Variants in DUSP23 observed in about 807,000 individuals in gnomAD.
DUSP23 encodes the protein dual specificity protein phosphatase 23.
Under a neutral mutation model 13.3 loss-of-function variants are expected in DUSP23, and 10 were observed. That is an observed-to-expected ratio of 0.75 (90% CI 0.46 to 1.27). DUSP23 has a LOEUF of 1.27. Among genes scored for constraint, DUSP23 ranks in the 50% most tolerant of loss-of-function variants. The probability of loss-of-function intolerance (pLI) is 0.00; values close to 1 mark genes in which losing one functional copy is unlikely to be tolerated. For synonymous variants in DUSP23, 107 were observed against 95.3 expected, an observed-to-expected ratio of 1.12 and a Z score of -0.72; for missense variants, 228 against 204.8, an observed-to-expected ratio of 1.11 and a Z score of -0.69.
chr1:159,781,072 G>A lies in DUSP23; in HGVS notation c.-29G>A, dbSNP rs1239696400. ...GGGGCTGGCCAGCCTCGGCCCCCAT[G>A]ACCCGCTGTCCTGTGCCCTTTCCCA... On this transcript the variant is annotated 5_prime_UTR_variant, in exon 1 of 2. The change abolishes an upstream ATG in the 5' untranslated region. Transcript: ENST00000368107. The A allele has an allele frequency of 6.6e-7, 1 of 1,524,350 alleles. No homozygotes were observed. The highest frequency in any genetic ancestry group is 2.5e-5 in the East Asian group (1 of 39,900). 94.4% of individuals were successfully genotyped at this position (1,524,350 alleles called of 1,614,324 possible).
chr1:159,782,432 C>A lies in DUSP23; in HGVS notation c.*94C>A. 1 of 1,406,942 alleles carries A rather than the reference C, an allele frequency of 7.1e-7. No homozygotes were observed. The highest frequency in any genetic ancestry group is 2.4e-5 in the East Asian group (1 of 41,650). The allele number at this position is 1,406,942 out of a possible 1,614,324, so 87.2% of individuals were successfully genotyped here. On this transcript the variant is annotated 3_prime_UTR_variant, in exon 2 of 2. Transcript: ENST00000368107. ...AGGGAAGTGGACTAAAGTATTAAAC[C>A]CTCTAGCTCCCATTGGCTGAAGACA...
Position 159,782,483 on chromosome 1 carries a change from G to T in DUSP23, c.*145G>T, listed in dbSNP as rs934046874. ...CTGAAGTAGCCCACCCCTGCAGGCA[G>T]GTCCTGATTGAAGGGGAGGCTTGTA... On this transcript the variant is annotated 3_prime_UTR_variant, in exon 2 of 2. Coordinates refer to ENST00000368107, the MANE Select transcript of DUSP23 (RefSeq NM_001319658.2). 8 of 957,522 alleles carry T rather than the reference G, an allele frequency of 8.4e-6. No individual in the cohort carries two copies. The highest frequency in any genetic ancestry group is 3.3e-5 in the African/African-American group (2 of 60,392). The allele number at this position is 957,522 out of a possible 1,614,324, so 59.3% of individuals were successfully genotyped here. A position where few individuals can be genotyped will look rare whatever the true frequency, so the allele number is the denominator to read the frequency against.
intron 1 of DUSP23, 66 bp from the exon 2 acceptor site, chr1:159,782,087 G>C: frequency 6.3e-7 from 1 of 1,574,836 alleles, no homozygotes. Context: ...GGAGAACCAA[G>C]TGAGGGGCAG....
chr1:159,781,508 G>A, intron 1 of DUSP23, 141 bp downstream of exon 1: 1 of 1,181,746 alleles, frequency 8.5e-7, no homozygotes, highest in East Asian at 2.7e-5. Context: ...TGGGAAGCCA[G>A]TGCGGGGGAG....
rs1278882417 is a variant in DUSP23 at position 159,781,255 on chromosome 1, G to C, written c.155G>C (p.Ser52Thr). ...LTERGPPHSD[S>T]CPGLTLHRLR... ...GAGCGCGGGCCCCCTCACAGCGACA[G>C]CTGCCCCGGCCTCACCCTGCACCGC... Residue 52 changes from serine (S) to threonine (T), a missense_variant, in exon 1 of 2, where the codon AGC becomes ACC. Physicochemically the swap from Ser to Thr is moderately conservative, Grantham distance 58. Transcript: ENST00000368107. 21 of 1,548,820 alleles carry C rather than the reference G, an allele frequency of 1.4e-5. No individual in the cohort carries two copies. The highest frequency in any genetic ancestry group is 1.8e-5 in the Non-Finnish European group (21 of 1,146,286).
In DUSP23 at chr1:159,782,293, T is replaced by TG; in HGVS notation, c.409dup (p.Glu137GlyfsTer38). Reference sequence around the variant, plus strand: ...TACGACCCGGCTCCATCGAGACCTATGAGCAGGAGAAAGCAGTCTTCCAGT... The same window carrying TG: ...TACGACCCGGCTCCATCGAGACCTATGGAGCAGGAGAAAGCAGTCTTCCAGT... On this transcript the variant is annotated frameshift_variant, in exon 2 of 2. Coordinates refer to ENST00000368107, the MANE Select transcript of DUSP23 (RefSeq NM_001319658.2). LOFTEE classifies it high-confidence loss of function. 4 of 1,613,178 alleles carry TG rather than the reference T, an allele frequency of 2.5e-6. No homozygotes were observed. In the East Asian group the frequency reaches 8.9e-5, roughly 36 times the overall value.
rs751526207 is a variant in DUSP23 at position 159,782,149 on chromosome 1, G to A, written c.268-4G>A. On this transcript the variant is annotated splice_region_variant and splice_polypyrimidine_tract_variant and intron_variant, in intron 1 of 1. Coordinates refer to ENST00000368107, the MANE Select transcript of DUSP23 (RefSeq NM_001319658.2). ...GTGGCACCCATCGAGCCCCCTCTTC[G>A]TAGGCTGTGGGAGTGCACTGTGCTC... is the stretch of plus-strand genomic sequence containing the variant. 8.7e-6 allele frequency: 14 copies of A among 1,613,350 alleles called. No individual in the cohort carries two copies. The South Asian group carries it at 9.9e-5, about 11-fold the overall frequency.
At position 159,782,539 on chromosome 1, in the gene DUSP23, C is replaced by T; in HGVS notation, c.*201C>T. The T allele has an allele frequency of 1.7e-6, 1 of 603,030 alleles. No homozygotes were observed. The highest frequency in any genetic ancestry group is 2.9e-6 in the Non-Finnish European group (1 of 347,474). The allele number at this position is 603,030 out of a possible 1,614,324, so 37.4% of individuals were successfully genotyped here. A position where few individuals can be genotyped will look rare whatever the true frequency, so the allele number is the denominator to read the frequency against. ...TTGTTGAATAAATGAGTTTTACGAA[C>T]CAGGGCACGTTGCATGGTACTTTAT... is the stretch of plus-strand genomic sequence containing the variant. On this transcript the variant is annotated 3_prime_UTR_variant, in exon 2 of 2. Coordinates refer to ENST00000368107, the MANE Select transcript of DUSP23 (RefSeq NM_001319658.2).
chr1:159,782,376 T>C lies in DUSP23; in HGVS notation c.*38T>C, dbSNP rs1432180902. On this transcript the variant is annotated 3_prime_UTR_variant, in exon 2 of 2. Coordinates refer to ENST00000368107, the MANE Select transcript of DUSP23 (RefSeq NM_001319658.2). ...CCCTTCTACCAGGCCCTCACTCCCC[T>C]TCCCCATGTTGTCGATGGGGCCAGA... 1.2e-6 allele frequency: 2 copies of C among 1,604,094 alleles called. No homozygotes were observed. The highest frequency in any genetic ancestry group is 1.3e-5 in the African/African-American group (1 of 74,674).
chr1:159,782,340 G>A lies in DUSP23; in HGVS notation c.*2G>A, dbSNP rs1557862753. ...CAGTTCTACCAGCGAACGAAATAAGGGGCCTTAGTACCCTTCTACCAGGCC... is the reference window on the plus strand; with the variant it reads ...CAGTTCTACCAGCGAACGAAATAAGAGGCCTTAGTACCCTTCTACCAGGCC... On this transcript the variant is annotated 3_prime_UTR_variant, in exon 2 of 2. Transcript: ENST00000368107. The A allele has an allele frequency of 6.2e-7, 1 of 1,613,616 alleles. No homozygotes were observed.
intron 1 of DUSP23, 56 bp downstream of exon 1, chr1:159,781,423 A>G (rs1263748541): frequency 2.1e-6 from 3 of 1,444,712 alleles, no homozygotes; most frequent in South Asian, 2.8e-5. Context: ...AGCGGGGGAC[A>G]CGGGCGGAGC....
At chr1:159,782,057 C>T in intron 1 of DUSP23, 96 bp from the exon 2 acceptor site, 7 of 1,430,730 alleles carry the variant, frequency 4.9e-6, no homozygotes, top group Non-Finnish European at 6.7e-6. Context: ...CTGGACCTGG[C>T]ACAGAAGAAG....
In DUSP23 at chr1:159,782,503, CTT is replaced by C; in HGVS notation, c.*166_*167del. 1 of 756,816 alleles carries C rather than the reference CTT, an allele frequency of 1.3e-6. No individual in the cohort carries two copies. Among genetic ancestry groups the C allele is most frequent in the Non-Finnish European group, 2.1e-6 (1 of 476,494 alleles). The allele number at this position is 756,816 out of a possible 1,614,324, so 46.9% of individuals were successfully genotyped here. On this transcript the variant is annotated 3_prime_UTR_variant, in exon 2 of 2. Coordinates refer to ENST00000368107, the MANE Select transcript of DUSP23 (RefSeq NM_001319658.2). Reference sequence around the variant, plus strand: ...AGGCAGGTCCTGATTGAAGGGGAGGCTTGTACTGCTTTGTTGAATAAATGAGT... The same window carrying C: ...AGGCAGGTCCTGATTGAAGGGGAGGCGTACTGCTTTGTTGAATAAATGAGT...
rs1331172683 is a variant in DUSP23, at chr1:159,781,052, T to C, written c.-49T>C. ...AGGGGACGCGTGGGCGGAGCGGGGC[T>C]GGCCAGCCTCGGCCCCCATGACCCG... On this transcript the variant is annotated 5_prime_UTR_variant, in exon 1 of 2. Coordinates refer to ENST00000368107, the MANE Select transcript of DUSP23 (RefSeq NM_001319658.2). 1.3e-6 allele frequency: 2 copies of C among 1,499,224 alleles called. No homozygotes were observed. The highest frequency in any genetic ancestry group is 1.8e-6 in the Non-Finnish European group (2 of 1,127,054). The allele number at this position is 1,499,224 out of a possible 1,614,324, so 92.9% of individuals were successfully genotyped here.
intron 1 of DUSP23, among the ~76,000 whole-genome samples, 163 bp downstream of exon 1, chr1:159,781,530 A>G (rs533188008): frequency 5.9e-5 from 9 of 152,134 alleles, no homozygotes; most frequent in Non-Finnish European, 1.0e-4. Context: ...GAAGCGCTAA[A>G]CGGAAGGAAC....
In DUSP23 at chr1:159,781,373, C is replaced by T. The variant is rs1661866869; in HGVS notation, c.267+6C>T. Reference sequence around the variant, plus strand: ...AGGCCAACGCACGGGGAGAGGTCAGCGGGCGGGGTCAGCGCAGGGAGGGAG... The same window carrying T: ...AGGCCAACGCACGGGGAGAGGTCAGTGGGCGGGGTCAGCGCAGGGAGGGAG... On this transcript the variant is annotated splice_donor_region_variant and intron_variant, in intron 1 of 1. Coordinates refer to ENST00000368107, the MANE Select transcript of DUSP23 (RefSeq NM_001319658.2). 4.7e-6 allele frequency: 7 copies of T among 1,496,698 alleles called. No homozygotes were observed. The highest frequency in any genetic ancestry group is 6.3e-6 in the Non-Finnish European group (7 of 1,118,394). The allele number at this position is 1,496,698 out of a possible 1,614,324, so 92.7% of individuals were successfully genotyped here.
At position 159,782,153 on chromosome 1, in the gene DUSP23, G is replaced by C. The variant is rs1295043479; in HGVS notation, c.268G>C (p.Ala90Pro). The C allele has an allele frequency of 1.9e-6, 3 of 1,613,770 alleles. No homozygotes were observed. Among genetic ancestry groups the C allele is most frequent in the Non-Finnish European group, 2.5e-6 (3 of 1,179,938 alleles). ...IVDEANARGE[A>P]VGVHCALGFG... is the part of the protein sequence containing the mutation. ...CACCCATCGAGCCCCCTCTTCGTAG[G>C]CTGTGGGAGTGCACTGTGCTCTGGG... Residue 90 changes from alanine to proline, a missense_variant and splice_region_variant, in exon 2 of 2, where the codon GCT becomes CCT. Coordinates refer to ENST00000368107, the MANE Select transcript of DUSP23 (RefSeq NM_001319658.2).
At position 159,781,250 on chromosome 1, in the gene DUSP23, C is replaced by A; in HGVS notation, c.150C>A (p.Ser50Arg). Residue 50 changes from serine (S) to arginine (R), a missense_variant, in exon 1 of 2, where the codon AGC becomes AGA. Coordinates refer to ENST00000368107, the MANE Select transcript of DUSP23 (RefSeq NM_001319658.2). ...VSLTERGPPH[S>R]DSCPGLTLHR... ...TGACGGAGCGCGGGCCCCCTCACAGCGACAGCTGCCCCGGCCTCACCCTGC... is the reference window on the plus strand; with the variant it reads ...TGACGGAGCGCGGGCCCCCTCACAGAGACAGCTGCCCCGGCCTCACCCTGC... 1 of 1,548,954 alleles carries A rather than the reference C, an allele frequency of 6.5e-7. No homozygotes were observed. The highest frequency in any genetic ancestry group is 8.7e-7 in the Non-Finnish European group (1 of 1,146,302).
rs1557861962 is a variant in DUSP23 at position 159,781,163 on chromosome 1, GCCGCGGCTCCCCGCCCACTA to G, written c.66_85del (p.Arg23ValfsTer95). The G allele has an allele frequency of 1.9e-6, 3 of 1,548,986 alleles. No homozygotes were observed. In the Admixed American group the frequency reaches 5.9e-5, roughly 30 times the overall value. On this transcript the variant is annotated frameshift_variant, in exon 1 of 2. Coordinates refer to ENST00000368107, the MANE Select transcript of DUSP23 (RefSeq NM_001319658.2). LOFTEE classifies it high-confidence loss of function. ...CGGGCCGGCTGGCGGGACTGGCGCT[GCCGCGGCTCCCCGCCCACTA>G]CCAGTTCCTGTTGGACCTGGGCGTG...
Sources: allele counts gnomAD v4.1 joint callset (sites outside exome capture counted in the v4.1 genomes callset), GRCh38; gene constraint gnomAD v4.1.1; transcripts MANE v1.5; gene names NCBI Gene and HGNC (gene_info 2026-07-23, HGNC 2026-07-21).